The following CEP128 variants were observed in gnomAD, a reference collection of about 807,000 sequenced individuals.
CEP128 encodes centrosomal protein 128, also known as centrosomal protein 128kDa.
CEP128 carries 132 observed loss-of-function variants against 156.7 expected under a neutral mutation model. The observed-to-expected ratio is 0.84, with a 90% CI of 0.73 to 0.97. CEP128 has a LOEUF of 0.97. CEP128 is among the 50% of genes least tolerant of loss of function. The pLI is 0.00. For missense variants in CEP128, 1,252 were observed against 1,281.9 expected, an observed-to-expected ratio of 0.98 and a Z score of 0.36; for synonymous variants, 469 against 448.9, an observed-to-expected ratio of 1.04 and a Z score of -0.57.
At chr14:80,700,238 T>C (rs1566864708) in intron 19 of CEP128, among the ~76,000 whole-genome samples, 1 of 152,114 alleles carries the variant, frequency 6.6e-6, no homozygotes. Context: ...AGGAGAAGTA[T>C]ATTTCATGAG....
intron 19 of CEP128, among the ~76,000 whole-genome samples, chr14:80,731,493 T>C (rs1898268835): frequency 6.6e-6 from 1 of 152,242 alleles, no homozygotes; most frequent in East Asian, 1.9e-4. Flanking sequence ...ATGAAGTAAG[T>C]AGTTGAACAT....
intron 13 of CEP128, among the ~76,000 whole-genome samples, chr14:80,797,274 G>T (rs913309327): frequency 6.6e-6 from 1 of 152,124 alleles, no homozygotes; most frequent in African/African-American, 2.4e-5. Context: ...TTTAAAAACT[G>T]CGGACTCTTA....
At chr14:80,513,893 T>A (rs1295729062) in intron 23 of CEP128, among the ~76,000 whole-genome samples, 1 of 152,202 alleles carries the variant, frequency 6.6e-6, no homozygotes, top group African/African-American at 2.4e-5. Context: ...GAATCTCTAC[T>A]AACATAGCTA....
At chr14:80,588,774 A>AT (rs1891925701) in intron 19 of CEP128, among the ~76,000 whole-genome samples, 1 of 152,094 alleles carries the variant, frequency 6.6e-6, no homozygotes, top group Non-Finnish European at 1.5e-5. Context: ...AGATTTTTAC[A>AT]TAAAAACATT....
chr14:80,775,926 C>G (rs567951865), intron 16 of CEP128, among the ~76,000 whole-genome samples: 4 of 152,260 alleles, frequency 2.6e-5, no homozygotes, highest in Non-Finnish European at 5.9e-5. Flanking sequence ...TTCCGCCCCC[C>G]GGGTTCAAGT....
At chr14:80,851,389 A>T (rs936414484) in intron 9 of CEP128, among the ~76,000 whole-genome samples, 1 of 152,144 alleles carries the variant, frequency 6.6e-6, no homozygotes, top group Non-Finnish European at 1.5e-5. Context: ...GGAACGGGAA[A>T]GTTTTCCCTA....
intron 23 of CEP128, among the ~76,000 whole-genome samples, chr14:80,506,759 C>CA (rs1423442194): frequency 6.6e-6 from 1 of 152,140 alleles, no homozygotes; most frequent in Non-Finnish European, 1.5e-5. Flanking sequence ...AAAATATTTT[C>CA]AACAGGTCCA....
At chr14:80,850,456 T>G (rs1225437387) in intron 9 of CEP128, among the ~76,000 whole-genome samples, 3 of 152,210 alleles carry the variant, frequency 2.0e-5, no homozygotes, top group Admixed American at 6.5e-5. Flanking sequence ...AAGTATTCTA[T>G]GACCTTTATC....
chr14:80,892,108 TCCAAGAA>T (rs1889130136), intron 8 of CEP128, among the ~76,000 whole-genome samples: 2 of 151,242 alleles, frequency 1.3e-5, no homozygotes, highest in Admixed American at 1.3e-4. Flanking sequence ...CTAAAACAAT[TCCAAGAA>T]TGAAAAACAA....
At chr14:80,753,028 C>T (rs1386343752) in intron 18 of CEP128, among the ~76,000 whole-genome samples, 3 of 152,158 alleles carry the variant, frequency 2.0e-5, no homozygotes, top group Admixed American at 1.3e-4. Flanking sequence ...AAGTTTATAG[C>T]TATTACCAAA....
At chr14:80,884,396 G>A (rs75848574) in intron 8 of CEP128, among the ~76,000 whole-genome samples, 2,031 of 152,200 alleles carry the variant, frequency 0.013, 26 homozygotes, top group Non-Finnish European at 0.021. Flanking sequence ...AGCTCCAGTC[G>A]GCAACTCCCA....
chr14:80,916,312 C>T (rs964757240), intron 3 of CEP128, 89 bp downstream of exon 3: 5 of 1,052,064 alleles, frequency 4.8e-6, no homozygotes, highest in Non-Finnish European at 2.8e-6. Flanking sequence ...TAATTTGTTA[C>T]AGCAGCAAGA....
rs1444662601 is a variant in CEP128 at position 80,738,546 on chromosome 14, G to GA, written c.2806+4528dup. 2.0e-5 allele frequency among the ~76,000 whole-genome samples: 3 copies of GA among 151,964 alleles called. No individual in the cohort carries two copies. The East Asian group carries it at 5.8e-4, about 29-fold the overall frequency. ...GTAGTCTCCCCCCTATTTTTAGATA[G>GA]AAAAAATCTAAGTCATACAGTTTCA... On this transcript the variant is annotated intron_variant, in intron 19 of 24. Transcript: ENST00000555265.
chr14:80,812,753 C>T (rs546234938), intron 13 of CEP128, among the ~76,000 whole-genome samples: 16 of 152,204 alleles, frequency 1.1e-4, no homozygotes, highest in South Asian at 1.0e-3. Flanking sequence ...TTAGTAGAGA[C>T]GGGGTTTCAC....
At chr14:80,657,389 C>T (rs891514363) in intron 19 of CEP128, among the ~76,000 whole-genome samples, 28 of 151,742 alleles carry the variant, frequency 1.8e-4, no homozygotes, top group African/African-American at 6.3e-4. Flanking sequence ...CGGTGGCTCA[C>T]GCTTGTAATC....
chr14:80,498,723 C>T (rs771972383), intron 24 of CEP128, among the ~76,000 whole-genome samples: 1 of 152,194 alleles, frequency 6.6e-6, no homozygotes, highest in African/African-American at 2.4e-5. Context: ...GCACCAATCA[C>T]CATTTTAAAT....
At chr14:80,543,017 C>T (rs899604962) in intron 21 of CEP128, among the ~76,000 whole-genome samples, 3 of 152,186 alleles carry the variant, frequency 2.0e-5, no homozygotes, top group African/African-American at 4.8e-5. Context: ...CCACACACAG[C>T]ACTTGGATGT....
At chr14:80,711,832 A>G (rs1258453538) in intron 19 of CEP128, among the ~76,000 whole-genome samples, 1 of 152,104 alleles carries the variant, frequency 6.6e-6, no homozygotes, top group Non-Finnish European at 1.5e-5. Flanking sequence ...CCATAAATAT[A>G]TACACCTACT....
intron 19 of CEP128, among the ~76,000 whole-genome samples, chr14:80,624,552 C>T (rs1168033857): frequency 1.3e-5 from 2 of 152,080 alleles, no homozygotes; most frequent in Non-Finnish European, 2.9e-5. Flanking sequence ...TAAGAGTGTA[C>T]AATAGTTGCC....
Sources: allele counts gnomAD v4.1 joint callset (sites outside exome capture counted in the v4.1 genomes callset), GRCh38; gene constraint gnomAD v4.1.1; transcripts MANE v1.5; gene names NCBI Gene and HGNC (gene_info 2026-07-23, HGNC 2026-07-21).